The following SHANK2 variants were observed in gnomAD, a reference collection of about 807,000 sequenced individuals.
SHANK2 encodes SH3 and multiple ankyrin repeat domains 2, also known as SH3 and multiple ankyrin repeat domains protein 2.
A neutral mutation model predicts 133.7 loss-of-function variants in SHANK2; 43 were observed. That is an observed-to-expected ratio of 0.32 (90% CI 0.25 to 0.41). The LOEUF (loss-of-function observed/expected upper bound fraction) is 0.41. Among genes scored for constraint, SHANK2 ranks in the 10% least tolerant of loss-of-function variants. The pLI, the probability that SHANK2 is intolerant of heterozygous loss-of-function variation, is 1.00. For synonymous variants in SHANK2, 1,017 were observed against 952.8 expected (o/e 1.07, Z -1.24); for missense variants, 1,994 against 2,235.8 (o/e 0.89, Z 2.18).
intron 2 of SHANK2, among the ~76,000 whole-genome samples, chr11:71,206,414 G>A (rs75220080): frequency 0.028 from 4,207 of 152,250 alleles, 99 homozygotes; most frequent in Middle Eastern, 0.071. Flanking sequence ...CTGGAATGCG[G>A]ATCTGCAACT....
intron 10 of SHANK2, among the ~76,000 whole-genome samples, chr11:70,915,510 C>T (rs1235096753): frequency 6.6e-6 from 1 of 152,172 alleles, no homozygotes; most frequent in East Asian, 1.9e-4. Context: ...GAGTGCCTAA[C>T]CACTCCCATG....
At chr11:71,173,980 G>A (rs1196470929) in intron 2 of SHANK2, among the ~76,000 whole-genome samples, 1 of 152,212 alleles carries the variant, frequency 6.6e-6, no homozygotes, top group African/African-American at 2.4e-5. Flanking sequence ...CAGAACTGTG[G>A]GAGTAAGTTT....
At chr11:70,608,779 C>A (rs1242355296) in intron 17 of SHANK2, among the ~76,000 whole-genome samples, 1 of 152,230 alleles carries the variant, frequency 6.6e-6, no homozygotes, top group Non-Finnish European at 1.5e-5. Flanking sequence ...TGCAGCCGAT[C>A]AGAGAATTGA....
In SHANK2 at chr11:70,473,331, G is replaced by T. The variant is rs782780150; in HGVS notation, c.5088C>A (p.Asp1696Glu). 1.2e-6 allele frequency: 2 copies of T among 1,613,690 alleles called. No individual in the cohort carries two copies. The highest frequency in any genetic ancestry group is 1.1e-5 in the South Asian group (1 of 91,082). ...TTGTTCCTGAGGTCCTGCTTTCATA[G>T]TCGGGGGGCCGGCTCTGCAGGGTGA... ...QPITLQSRPP[D>E]YESRTSGTRR... Residue 1696 changes from aspartate (D) to glutamate (E), a missense_variant, in exon 26 of 26, where the codon GAC (aspartate) becomes GAA (glutamate). By Grantham distance (45) the Asp-to-Glu change is conservative. Around this residue, in one of 5 missense-constraint regions of SHANK2, gnomAD observed 797 missense variants for 907.4 expected, o/e 0.88. Coordinates refer to ENST00000601538, the MANE Select transcript of SHANK2 (RefSeq NM_012309.5). The surrounding 1 kb of genome is among the most constrained non-coding windows in gnomAD (Gnocchi z 5.9).
At chr11:70,505,642 G>A (rs1052359508) in intron 17 of SHANK2, among the ~76,000 whole-genome samples, 2 of 152,200 alleles carry the variant, frequency 1.3e-5, no homozygotes, top group South Asian at 4.1e-4. Flanking sequence ...ATTACTGCCT[G>A]CTTGCTCCTG....
intron 1 of SHANK2, among the ~76,000 whole-genome samples, chr11:71,251,870 G>A (rs1031072426): frequency 6.6e-6 from 1 of 151,780 alleles, no homozygotes; most frequent in Admixed American, 6.6e-5. Context: ...GCAGGGCCAG[G>A]GTGACCGCAG....
At chr11:70,903,113 A>G in intron 10 of SHANK2, among the ~76,000 whole-genome samples, 1 of 152,110 alleles carries the variant, frequency 6.6e-6, no homozygotes, top group Non-Finnish European at 1.5e-5. Flanking sequence ...TCAGTGGCTC[A>G]TGCCTGTAAT....
intron 14 of SHANK2, among the ~76,000 whole-genome samples, chr11:70,715,950 A>C (rs1471147135): frequency 6.6e-6 from 1 of 152,150 alleles, no homozygotes; most frequent in Non-Finnish European, 1.5e-5. Flanking sequence ...AGGGGAGCAG[A>C]GCCTGCCTCT....
intron 14 of SHANK2, among the ~76,000 whole-genome samples, chr11:70,791,337 T>C (rs1239495405): frequency 6.6e-6 from 1 of 152,168 alleles, no homozygotes; most frequent in Non-Finnish European, 1.5e-5. Context: ...GGTGAGGACA[T>C]GCATGTAATT....
At chr11:71,094,080 T>G (rs1017744239) in intron 7 of SHANK2, among the ~76,000 whole-genome samples, 2 of 151,800 alleles carry the variant, frequency 1.3e-5, no homozygotes, top group Non-Finnish European at 2.9e-5. Context: ...TGGCTCTGTG[T>G]CCCCTCCCAA....
intron 17 of SHANK2, among the ~76,000 whole-genome samples, chr11:70,655,954 C>A (rs938452665): frequency 1.3e-5 from 2 of 152,168 alleles, no homozygotes; most frequent in Non-Finnish European, 2.9e-5. Context: ...TTCTATAACC[C>A]TCAGGTGACT....
chr11:71,125,422 A>C (rs1207804304), intron 3 of SHANK2, among the ~76,000 whole-genome samples: 6 of 152,230 alleles, frequency 3.9e-5, no homozygotes, highest in Admixed American at 3.3e-4. Context: ...TAGTGCTGAC[A>C]GGGAGAAGGT....
chr11:70,785,229 G>A (rs781989071), intron 14 of SHANK2, among the ~76,000 whole-genome samples: 3 of 152,082 alleles, frequency 2.0e-5, no homozygotes, highest in Admixed American at 6.5e-5. Flanking sequence ...CCCTGGGGGC[G>A]CCTGGGCCCC....
At chr11:71,225,610 T>C (rs935284343) in intron 1 of SHANK2, among the ~76,000 whole-genome samples, 3 of 151,736 alleles carry the variant, frequency 2.0e-5, no homozygotes, top group Admixed American at 2.0e-4. Context: ...AAATCACCCA[T>C]CAAACCAAGG....
At chr11:70,593,968 G>T (rs1832607663) in intron 17 of SHANK2, among the ~76,000 whole-genome samples, 1 of 152,194 alleles carries the variant, frequency 6.6e-6, no homozygotes, top group South Asian at 2.1e-4. Context: ...CCACGTGGAG[G>T]GTGTGAGGAA....
chr11:70,878,596 T>C (rs1272353136), intron 11 of SHANK2, among the ~76,000 whole-genome samples: 1 of 152,200 alleles, frequency 6.6e-6, no homozygotes, highest in Admixed American at 6.5e-5. Flanking sequence ...GGCACCACCA[T>C]GACGGCCTTC....
At chr11:70,586,210 C>T (rs1395758212) in intron 17 of SHANK2, among the ~76,000 whole-genome samples, 1 of 151,876 alleles carries the variant, frequency 6.6e-6, no homozygotes, top group Non-Finnish European at 1.5e-5. Context: ...CTGAATGTCG[C>T]CCAGGAGTCA....
At chr11:71,057,796 G>C (rs1377290882) in intron 9 of SHANK2, among the ~76,000 whole-genome samples, 1 of 151,106 alleles carries the variant, frequency 6.6e-6, no homozygotes, top group African/African-American at 2.4e-5. Context: ...TGATCTGCAG[G>C]CCTCTACCTC....
At chr11:70,741,191 T>C (rs200624339) in intron 14 of SHANK2, among the ~76,000 whole-genome samples, 1 of 68,582 alleles carries the variant, frequency 1.5e-5, no homozygotes, top group South Asian at 4.3e-4. Flanking sequence ...ATCCATGCAT[T>C]CAACCACCCA....
Sources: allele counts gnomAD v4.1 joint callset (sites outside exome capture counted in the v4.1 genomes callset), GRCh38; gene constraint gnomAD v4.1.1; regional missense constraint gnomAD v4.1.1; non-coding constraint Gnocchi (gnomAD v3.1); transcripts MANE v1.5; gene names NCBI Gene and HGNC (gene_info 2026-07-23, HGNC 2026-07-21).